Variants in PDSS2 observed in about 807,000 individuals in gnomAD.
PDSS2 encodes all trans-polyprenyl-diphosphate synthase PDSS2.
A neutral mutation model predicts 44.5 loss-of-function variants in PDSS2; 31 were observed. That is an observed-to-expected ratio of 0.70 (90% CI 0.52 to 0.94). The LOEUF is 0.94. Ranked by LOEUF, PDSS2 falls within the 40% of genes least tolerant of loss-of-function variation. The pLI is 0.00. For synonymous variants in PDSS2, 157 were observed against 180.3 expected (o/e 0.87, Z 1.03); for missense variants, 452 against 482.2 (o/e 0.94, Z 0.59).
intron 1 of PDSS2, among the ~76,000 whole-genome samples, chr6:107,443,549 T>C (rs1189726005): frequency 6.6e-6 from 1 of 152,222 alleles, no homozygotes; most frequent in Non-Finnish European, 1.5e-5. Flanking sequence ...ATGTATCTTG[T>C]CCAGTTTTCT....
intron 1 of PDSS2, among the ~76,000 whole-genome samples, chr6:107,345,865 G>A (rs1030402960): frequency 1.9e-4 from 29 of 152,180 alleles, no homozygotes; most frequent in African/African-American, 7.0e-4. Context: ...AATCGGAAGT[G>A]ACAGTGATGG....
chr6:107,377,821 A>G (rs1251506831), intron 1 of PDSS2, among the ~76,000 whole-genome samples: 2 of 151,874 alleles, frequency 1.3e-5, no homozygotes, highest in Non-Finnish European at 2.9e-5. Flanking sequence ...TCACTCATAG[A>G]TGGGAACTGA....
intron 1 of PDSS2, among the ~76,000 whole-genome samples, chr6:107,367,225 TATTA>T (rs1778984620): frequency 6.6e-6 from 1 of 152,168 alleles, no homozygotes; most frequent in Admixed American, 6.5e-5. Flanking sequence ...TTAATATCCA[TATTA>T]ATAAATAAAG....
chr6:107,291,507 C>G lies in PDSS2; in HGVS notation c.432-17280G>C, dbSNP rs114499058. Among the ~76,000 whole-genome samples, 1,025 of 150,696 alleles carry G rather than the reference C, an allele frequency of 6.8e-3. 12 individuals carry two copies. Among genetic ancestry groups the G allele is most frequent in the African/African-American group, 0.021 (882 of 41,228 alleles). On this transcript the variant is annotated intron_variant, in intron 2 of 7. Transcript: ENST00000369037. ...GGATTACAGGTGCGCGCCACCATAC[C>G]CAGCTAATTTTTAGTTAGTTTTTTT...
chr6:107,169,217 T>C (rs113177315), intron 7 of PDSS2, among the ~76,000 whole-genome samples: 55 of 152,276 alleles, frequency 3.6e-4, no homozygotes, highest in African/African-American at 1.2e-3. Flanking sequence ...CTCGCTTCAT[T>C]TCATTCATTT....
At chr6:107,437,044 TGGA>T (rs1423635708) in intron 1 of PDSS2, among the ~76,000 whole-genome samples, 10 of 152,078 alleles carry the variant, frequency 6.6e-5, no homozygotes, top group Non-Finnish European at 1.2e-4. Flanking sequence ...TCACTCAGGC[TGGA>T]GGAGTGCAGT....
intron 7 of PDSS2, among the ~76,000 whole-genome samples, chr6:107,175,214 GAAAA>G (rs35268855): frequency 7.1e-6 from 1 of 140,484 alleles, no homozygotes. Flanking sequence ...TCCATCTCAG[GAAAA>G]AAAAAAAAAA....
chr6:107,263,874 T>TA (rs1395496745), intron 3 of PDSS2, among the ~76,000 whole-genome samples: 3 of 152,238 alleles, frequency 2.0e-5, no homozygotes, highest in African/African-American at 7.2e-5. Context: ...GATATGGAGA[T>TA]AGTCTCTTTT....
At chr6:107,275,892 C>T (rs1241417940) in intron 2 of PDSS2, among the ~76,000 whole-genome samples, 1 of 151,980 alleles carries the variant, frequency 6.6e-6, no homozygotes, top group Non-Finnish European at 1.5e-5. Flanking sequence ...GGTGGCAGGA[C>T]TGCTTGAGGC....
chr6:107,288,567 G>A (rs1776232306), intron 2 of PDSS2, among the ~76,000 whole-genome samples: 2 of 152,016 alleles, frequency 1.3e-5, no homozygotes, highest in Non-Finnish European at 2.9e-5. Context: ...AGATTTGGAG[G>A]GAAGTAGGGG....
At chr6:107,173,290 C>T (rs1771652683) in intron 7 of PDSS2, among the ~76,000 whole-genome samples, 1 of 150,452 alleles carries the variant, frequency 6.6e-6, no homozygotes, top group Admixed American at 6.6e-5. Context: ...AACAGGAAAA[C>T]AGGCCAGGCG....
At chr6:107,412,656 A>T (rs1780542565) in intron 1 of PDSS2, among the ~76,000 whole-genome samples, 1 of 152,112 alleles carries the variant, frequency 6.6e-6, no homozygotes, top group African/African-American at 2.4e-5. Flanking sequence ...TTCTCTTTTG[A>T]CTTTCCTTAT....
At position 107,189,068 on chromosome 6, in the gene PDSS2, CCTAG is replaced by C. The variant is rs533737702; in HGVS notation, c.1041+4750_1041+4753del. On this transcript the variant is annotated intron_variant, in intron 7 of 7. Transcript: ENST00000369037. ...AGGACTATAGGTGTGCACCACCATA[CCTAG>C]CTATTTTTTAATATTTTTAGCACGG... Among the ~76,000 whole-genome samples the C allele has an allele frequency of 1.8e-3, 272 of 152,190 alleles. 1 individual carries two copies. The highest frequency in any genetic ancestry group is 6.0e-3 in the African/African-American group (250 of 41,548).
intron 2 of PDSS2, among the ~76,000 whole-genome samples, chr6:107,321,714 T>C (rs1777387713): frequency 6.6e-6 from 1 of 152,244 alleles, no homozygotes; most frequent in Non-Finnish European, 1.5e-5. Flanking sequence ...CTCAGTTCTG[T>C]TGTTCTGGTT....
chr6:107,426,576 G>A (rs951878660), intron 1 of PDSS2, among the ~76,000 whole-genome samples: 4 of 152,152 alleles, frequency 2.6e-5, no homozygotes, highest in African/African-American at 7.2e-5. Context: ...AGCTTGTACC[G>A]TGTGCCCAGA....
At chr6:107,302,984 G>T (rs1392602653) in intron 2 of PDSS2, among the ~76,000 whole-genome samples, 2 of 152,090 alleles carry the variant, frequency 1.3e-5, no homozygotes, top group Non-Finnish European at 2.9e-5. Context: ...GCTACTAGCA[G>T]ATTAAAATTA....
chr6:107,292,374 C>CA (rs928532338), intron 2 of PDSS2, among the ~76,000 whole-genome samples: 1 of 151,930 alleles, frequency 6.6e-6, no homozygotes, highest in African/African-American at 2.4e-5. Context: ...GATTTATTTC[C>CA]AAAAAAGAAA....
At chr6:107,458,310 C>A (rs1782113547) in intron 1 of PDSS2, among the ~76,000 whole-genome samples, 2 of 146,466 alleles carry the variant, frequency 1.4e-5, no homozygotes, top group African/African-American at 5.0e-5. Context: ...ACGGTGAAAC[C>A]CCGTATCTAC....
At chr6:107,425,668 T>C (rs533134341) in intron 1 of PDSS2, among the ~76,000 whole-genome samples, 151 of 152,252 alleles carry the variant, frequency 9.9e-4, no homozygotes, top group African/African-American at 3.5e-3. Flanking sequence ...AGCCTGACAA[T>C]GCAATTGAAA....
Sources: allele counts gnomAD v4.1 joint callset (sites outside exome capture counted in the v4.1 genomes callset), GRCh38; gene constraint gnomAD v4.1.1; transcripts MANE v1.5; gene names NCBI Gene and HGNC (gene_info 2026-07-23, HGNC 2026-07-21).